The following GRID2 variants were observed in gnomAD, a reference collection of about 807,000 sequenced individuals.
GRID2 encodes the protein glutamate ionotropic receptor delta type subunit 2, also known as glutamate receptor ionotropic, delta-2.
GRID2 carries 33 observed loss-of-function variants against 114.8 expected under a neutral mutation model. The observed-to-expected ratio is 0.29, with a 90% CI of 0.22 to 0.38. The LOEUF is 0.38. GRID2 is among the 10% of genes least tolerant of loss of function. GRID2 has a pLI of 1.00. For missense variants in GRID2, 1,184 were observed against 1,257.7 expected (o/e 0.94, Z 0.89); for synonymous variants, 505 against 449.9 (o/e 1.12, Z -1.55).
rs563235600 is a variant in GRID2, at chr4:92,804,071, C to T, written c.244+213785C>T. Among the ~76,000 whole-genome samples, 32 of 151,986 alleles carry T rather than the reference C, an allele frequency of 2.1e-4. No individual in the cohort carries two copies. In the South Asian group the frequency reaches 2.5e-3, roughly 12 times the overall value. On this transcript the variant is annotated intron_variant, in intron 2 of 15. Coordinates refer to ENST00000282020, the MANE Select transcript of GRID2 (RefSeq NM_001510.4). Reference sequence around the variant, plus strand: ...TCCTTCTGTGTCTGTGTCATTACATCGTATTCTTTTTGTGTGTATCTGCAT... The same window carrying T: ...TCCTTCTGTGTCTGTGTCATTACATTGTATTCTTTTTGTGTGTATCTGCAT...
intron 2 of GRID2, among the ~76,000 whole-genome samples, chr4:92,818,765 T>G (rs1741074813): frequency 6.6e-6 from 1 of 152,138 alleles, no homozygotes; most frequent in African/African-American, 2.4e-5. Context: ...ATGAAGTTTA[T>G]ATCAGACACA....
chr4:92,994,623 C>G (rs562642507), intron 2 of GRID2, among the ~76,000 whole-genome samples: 1 of 152,248 alleles, frequency 6.6e-6, no homozygotes, highest in South Asian at 2.1e-4. Flanking sequence ...CATGCCCACC[C>G]TATCATTGTT....
rs181772289 is a variant in GRID2 at position 92,634,334 on chromosome 4, C to T, written c.244+44048C>T. Among the ~76,000 whole-genome samples, 4 of 152,162 alleles carry T rather than the reference C, an allele frequency of 2.6e-5. No individual in the cohort carries two copies. In the East Asian group the frequency reaches 7.7e-4, roughly 29 times the overall value. ...GATGTACAACAGAATCATGTCAGAG[C>T]TGAATATTGTAACTGTATTGTTCCT... On this transcript the variant is annotated intron_variant, in intron 2 of 15. Transcript: ENST00000282020.
chr4:92,929,666 A>G (rs1201625848), intron 2 of GRID2, among the ~76,000 whole-genome samples: 3 of 151,266 alleles, frequency 2.0e-5, no homozygotes, highest in African/African-American at 7.3e-5. Context: ...TTGATAGTAC[A>G]AATCAAATGC....
intron 2 of GRID2, among the ~76,000 whole-genome samples, chr4:92,725,051 A>G (rs1402635060): frequency 1.3e-5 from 2 of 152,152 alleles, no homozygotes; most frequent in Admixed American, 1.3e-4. Flanking sequence ...CTGTAATCCC[A>G]GCATTTTAGG....
chr4:93,030,284 C>T (rs1724278919), intron 2 of GRID2, among the ~76,000 whole-genome samples: 2 of 152,096 alleles, frequency 1.3e-5, no homozygotes, highest in Non-Finnish European at 2.9e-5. Context: ...TTTCTGTCTT[C>T]CTAAAAGTGT....
At chr4:92,424,743 C>A (rs866981683) in intron 1 of GRID2, among the ~76,000 whole-genome samples, 7 of 148,466 alleles carry the variant, frequency 4.7e-5, no homozygotes, top group Middle Eastern at 3.6e-3. Context: ...AAAAAAAAAA[C>A]CACAAGGACA....
rs146280141 is a variant in GRID2, at chr4:92,828,105, C to T, written c.244+237819C>T. Among the ~76,000 whole-genome samples, 35 of 152,088 alleles carry T rather than the reference C, an allele frequency of 2.3e-4. No individual in the cohort carries two copies. The East Asian group carries it at 4.8e-3, about 21-fold the overall frequency. ...TGAGAAACTGTATTCCCCTACAACTCCTCAAGTAATTGGTAATATTGGTCA... is the reference window on the plus strand; with the variant it reads ...TGAGAAACTGTATTCCCCTACAACTTCTCAAGTAATTGGTAATATTGGTCA... On this transcript the variant is annotated intron_variant, in intron 2 of 15. Coordinates refer to ENST00000282020, the MANE Select transcript of GRID2 (RefSeq NM_001510.4).
intron 14 of GRID2, among the ~76,000 whole-genome samples, chr4:93,764,564 G>T (rs1025214072): frequency 6.6e-6 from 1 of 152,114 alleles, no homozygotes; most frequent in East Asian, 1.9e-4. Context: ...AGATCGTCAC[G>T]TGTGGTCTTA....
At chr4:93,236,237 G>C (rs1273729112) in intron 7 of GRID2, among the ~76,000 whole-genome samples, 2 of 151,952 alleles carry the variant, frequency 1.3e-5, no homozygotes, top group Non-Finnish European at 2.9e-5. Flanking sequence ...TATTAACAGT[G>C]AGCACATACC....
At chr4:93,471,647 C>T (rs1273973781) in intron 11 of GRID2, among the ~76,000 whole-genome samples, 2 of 147,322 alleles carry the variant, frequency 1.4e-5, no homozygotes, top group African/African-American at 2.5e-5. Flanking sequence ...AAGTTTAAGA[C>T]ATATTCCTTA....
chr4:93,744,372 A>C (rs1488682740), intron 14 of GRID2, among the ~76,000 whole-genome samples: 1 of 152,220 alleles, frequency 6.6e-6, no homozygotes, highest in East Asian at 1.9e-4. Context: ...TCTATACACC[A>C]TAATCTTCAG....
At chr4:92,571,466 CAG>C (rs1342919604) in intron 1 of GRID2, among the ~76,000 whole-genome samples, 2 of 151,520 alleles carry the variant, frequency 1.3e-5, no homozygotes, top group African/African-American at 4.8e-5. Flanking sequence ...CAACATTAGA[CAG>C]ATCAATGAGA....
intron 2 of GRID2, among the ~76,000 whole-genome samples, chr4:92,660,204 C>A (rs1442099863): frequency 6.6e-6 from 1 of 151,184 alleles, no homozygotes; most frequent in Non-Finnish European, 1.5e-5. Context: ...GCCAAGATTT[C>A]AAAAGTGATG....
At chr4:93,589,650 C>G (rs1283608881) in intron 13 of GRID2, among the ~76,000 whole-genome samples, 1 of 151,728 alleles carries the variant, frequency 6.6e-6, no homozygotes, top group Non-Finnish European at 1.5e-5. Context: ...AATGGTTGAA[C>G]TAGTTGACAG....
intron 1 of GRID2, among the ~76,000 whole-genome samples, chr4:92,540,343 A>G (rs537064011): frequency 1.3e-5 from 2 of 152,302 alleles, no homozygotes; most frequent in African/African-American, 2.4e-5. Flanking sequence ...AGAAACTACC[A>G]TCAGAGTGAA....
chr4:92,862,660 A>G (rs893879285), intron 2 of GRID2, among the ~76,000 whole-genome samples: 1 of 152,094 alleles, frequency 6.6e-6, no homozygotes, highest in Non-Finnish European at 1.5e-5. Context: ...TGGAAAGTAA[A>G]AGTTTTCTGG....
chr4:93,713,453 A>C (rs972804448), intron 14 of GRID2, among the ~76,000 whole-genome samples: 1 of 149,418 alleles, frequency 6.7e-6, no homozygotes, highest in African/African-American at 2.5e-5. Context: ...TTATTTATTT[A>C]TTTATGCATT....
rs562784642 is a variant in GRID2, at chr4:93,122,846, T to C, written c.735+11893T>C. Reference sequence around the variant, plus strand: ...AGTTTTAACTTTAGCTTTATAAGCTTGTATTGAAAGGCAGCTCTGTTACTA... The same window carrying C: ...AGTTTTAACTTTAGCTTTATAAGCTCGTATTGAAAGGCAGCTCTGTTACTA... On this transcript the variant is annotated intron_variant, in intron 4 of 15. Transcript: ENST00000282020. Among the ~76,000 whole-genome samples, 9 of 150,928 alleles carry C rather than the reference T, an allele frequency of 6.0e-5. No individual in the cohort carries two copies. The South Asian group carries it at 1.5e-3, about 24-fold the overall frequency.
Sources: allele counts gnomAD v4.1 joint callset (sites outside exome capture counted in the v4.1 genomes callset), GRCh38; gene constraint gnomAD v4.1.1; transcripts MANE v1.5; gene names NCBI Gene and HGNC (gene_info 2026-07-23, HGNC 2026-07-21).